PRPF3: variants seen among roughly 807,000 people sequenced by gnomAD.
The protein encoded by PRPF3 is pre-mRNA processing factor 3, also known as U4/U6 small nuclear ribonucleoprotein Prp3.
In PRPF3, 3 loss-of-function variants were observed where a neutral mutation model predicts 89.2. The ratio of observed to expected loss-of-function variants is 0.03; its 90% CI spans 0.02 to 0.09. The LOEUF (loss-of-function observed/expected upper bound fraction) is 0.09, where lower values mean the gene tolerates loss of function less well. PRPF3 is among the 10% of genes least tolerant of loss of function. PRPF3 has a pLI of 1.00. For synonymous variants in PRPF3, 270 were observed against 289.1 expected (o/e 0.93, Z 0.67); for missense variants, 463 against 828.8 (o/e 0.56, Z 5.42).
intron 7 of PRPF3, 62 bp downstream of exon 7, chr1:150,335,303 T>G: frequency 1.3e-6 from 2 of 1,539,448 alleles, no homozygotes; most frequent in Non-Finnish European, 1.8e-6. Context: ...AAGAAAACAT[T>G]GTTAAATCTC....
At chr1:150,348,321 G>C (rs1658504644) in intron 14 of PRPF3, among the ~76,000 whole-genome samples, 1 of 151,730 alleles carries the variant, frequency 6.6e-6, no homozygotes, top group Admixed American at 6.6e-5. Context: ...CGGTTGCAGT[G>C]AGCTGAGATC....
chr1:150,338,227 C>T lies in PRPF3; in HGVS notation c.1103C>T (p.Thr368Ile). The T allele has an allele frequency of 6.2e-7, 1 of 1,614,158 alleles. No individual in the cohort carries two copies. Among genetic ancestry groups the T allele is most frequent in the Non-Finnish European group, 8.5e-7 (1 of 1,180,018 alleles). The change falls in exon 8 of 16, where the codon ACT becomes ATT. Residue 368 changes from threonine to isoleucine, a missense_variant. Transcript: ENST00000324862. ...CGAAAAACAGGCATCCATACTTCGA[C>T]TAGGCTTGCCCTCATTGCTCCTAAG... Reference protein sequence around the residue: ...AARKTGIHTSTRLALIAPKKE... With the variant: ...AARKTGIHTSIRLALIAPKKE...
chr1:150,344,091 G>A (rs1249356741), intron 10 of PRPF3, 71 bp from the exon 11 acceptor site: 45 of 1,323,398 alleles, frequency 3.4e-5, no homozygotes, highest in African/African-American at 4.3e-5. Flanking sequence ...AATTGGTATG[G>A]AAGAAATAAC....
chr1:150,322,799 T>C (rs1655202744), intron 1 of PRPF3, among the ~76,000 whole-genome samples: 1 of 152,142 alleles, frequency 6.6e-6, no homozygotes. Flanking sequence ...TTCCCAGATC[T>C]TTGATAAGTG....
chr1:150,347,315 T>C (rs936712834), intron 14 of PRPF3, among the ~76,000 whole-genome samples: 12 of 151,276 alleles, frequency 7.9e-5, no homozygotes, highest in African/African-American at 2.7e-4. Context: ...TACACACACA[T>C]ACACATACAC....
chr1:150,333,323 G>T, intron 6 of PRPF3, 124 bp downstream of exon 6: 1 of 1,084,778 alleles, frequency 9.2e-7, no homozygotes, highest in Non-Finnish European at 1.4e-6. Context: ...ACTTTGGGAG[G>T]CTGAGGTAGG....
chr1:150,322,821 A>AAT (rs1553862477), intron 1 of PRPF3, among the ~76,000 whole-genome samples: 2 of 152,076 alleles, frequency 1.3e-5, no homozygotes, highest in Non-Finnish European at 2.9e-5. Flanking sequence ...CACTGCTGGG[A>AAT]ATAGCTGAGC....
chr1:150,331,821 C>T (rs2101967863), intron 4 of PRPF3, among the ~76,000 whole-genome samples: 1 of 152,282 alleles, frequency 6.6e-6, no homozygotes, highest in African/African-American at 2.4e-5. Context: ...TCATTCTGAA[C>T]TTCTTTAGGA....
intron 13 of PRPF3, 52 bp from the exon 14 acceptor site, chr1:150,346,356 C>G: frequency 6.5e-7 from 1 of 1,541,784 alleles, no homozygotes; most frequent in East Asian, 2.2e-5. Context: ...GAGGTTCTTT[C>G]TACCCCATCA....
chr1:150,325,314 A>T (rs1322384314), intron 2 of PRPF3, among the ~76,000 whole-genome samples: 1 of 152,202 alleles, frequency 6.6e-6, no homozygotes, highest in Admixed American at 6.5e-5. Context: ...TTTGGCTACC[A>T]TACTGAGTCA....
At chr1:150,342,525 CAT>C (rs1262120417) in intron 9 of PRPF3, among the ~76,000 whole-genome samples, 79 of 149,838 alleles carry the variant, frequency 5.3e-4, no homozygotes, top group Middle Eastern at 3.4e-3. Flanking sequence ...CACACACACA[CAT>C]GTTTTTTGAA....
intron 9 of PRPF3, among the ~76,000 whole-genome samples, chr1:150,342,617 G>T (rs587671736): frequency 2.6e-5 from 4 of 151,910 alleles, no homozygotes. Context: ...CCACCTCCCG[G>T]ATTCAAGTGA....
At chr1:150,337,039 C>CTTT (rs1657080691) in intron 7 of PRPF3, among the ~76,000 whole-genome samples, 1 of 20,686 alleles carries the variant, frequency 4.8e-5, no homozygotes, top group African/African-American at 2.1e-4. Flanking sequence ...TCATAAAATT[C>CTTT]CTTTTTTTTT....
At chr1:150,341,400 ATT>A (rs1169772517) in intron 9 of PRPF3, among the ~76,000 whole-genome samples, 3 of 101,870 alleles carry the variant, frequency 2.9e-5, no homozygotes, top group Non-Finnish European at 3.8e-5. Context: ...AGTTGCTTCT[ATT>A]TTTTTTTTTT....
At chr1:150,350,878 T>C (rs1045012560) in intron 15 of PRPF3, among the ~76,000 whole-genome samples, 7 of 152,028 alleles carry the variant, frequency 4.6e-5, no homozygotes, top group Non-Finnish European at 1.0e-4. Context: ...GGAAGATTGC[T>C]TCAGCTTTGG....
At chr1:150,338,115 T>C (rs782173241) in intron 7 of PRPF3, 45 bp from the exon 8 acceptor site, 11 of 1,599,002 alleles carry the variant, frequency 6.9e-6, no homozygotes, top group Middle Eastern at 1.7e-4. Context: ...TTCTGTTTTC[T>C]ATGACTCCAA....
rs1274378591 is a variant in PRPF3, at chr1:150,321,591, A to T, written c.-50A>T. On this transcript the variant is annotated splice_region_variant and 5_prime_UTR_variant, in exon 1 of 16. Coordinates refer to ENST00000324862, the MANE Select transcript of PRPF3 (RefSeq NM_004698.4). The stretch of plus-strand genomic sequence containing the variant: ...TCCGTCTCAGGGGCTGAAGTTTGTG[A>T]GGTGAGTAGTGGCCCCGGGCCCACA... 6.6e-6 allele frequency: 1 copy of T among 152,564 alleles called. No individual in the cohort carries two copies. The highest frequency in any genetic ancestry group is 1.5e-5 in the Non-Finnish European group (1 of 68,084). 9.5% of individuals were successfully genotyped at this position (152,564 alleles called of 1,614,324 possible). A position where few individuals can be genotyped will look rare whatever the true frequency, so the allele number is the denominator to read the frequency against.
chr1:150,327,497 C>A, intron 3 of PRPF3: 1 of 881,608 alleles, frequency 1.1e-6, no homozygotes, highest in Non-Finnish European at 1.4e-6. Context: ...CATTTTTGGT[C>A]CATTCAGGTC....
intron 12 of PRPF3, among the ~76,000 whole-genome samples, chr1:150,344,906 G>A (rs778525194): frequency 6.7e-6 from 1 of 148,422 alleles, no homozygotes; most frequent in South Asian, 2.1e-4. Flanking sequence ...TTTTTAAATG[G>A]TCTGAGTTTG....
Sources: gnomAD v4.1 joint callset for allele counts (sites outside exome capture counted in the v4.1 genomes callset) on GRCh38, gnomAD v4.1.1 for gene constraint, MANE v1.5 for transcripts, NCBI Gene and HGNC (gene_info 2026-07-23, HGNC 2026-07-21) for gene names.